OSBPL10: variants seen among roughly 807,000 people sequenced by gnomAD.
OSBPL10 encodes oxysterol binding protein like 10, also known as oxysterol-binding protein-related protein 10.
In OSBPL10, 49 loss-of-function variants were observed where a neutral mutation model predicts 81.7. That is an observed-to-expected ratio of 0.60 (90% CI 0.48 to 0.76). OSBPL10 has a LOEUF of 0.76. OSBPL10 is among the 30% of genes least tolerant of loss of function. The pLI is 0.00. For missense variants in OSBPL10, 923 were observed against 987.8 expected (o/e 0.93, Z 0.88); for synonymous variants, 419 against 383.6 (o/e 1.09, Z -1.08).
chr3:31,879,559 A>G (rs1212606035), intron 2 of OSBPL10, 96 bp downstream of exon 2: 1 of 1,316,722 alleles, frequency 7.6e-7, no homozygotes, highest in East Asian at 2.4e-5. Context: ...GCAAACTGTC[A>G]AAGGCAATTT....
intron 4 of OSBPL10, chr3:31,794,893 CA>C (rs1699145980): frequency 2.7e-6 from 1 of 375,454 alleles, no homozygotes; most frequent in Non-Finnish European, 5.3e-6. Context: ...CCAGAAGCAG[CA>C]CATTGGAGAG....
intron 1 of OSBPL10, among the ~76,000 whole-genome samples, chr3:31,916,448 G>T (rs1696759980): frequency 6.6e-6 from 1 of 152,142 alleles, no homozygotes; most frequent in Non-Finnish European, 1.5e-5. Flanking sequence ...GTAACAACAG[G>T]TTGGTTATAA....
chr3:31,710,613 C>T (rs1696223365), intron 6 of OSBPL10: 1 of 152,200 alleles, frequency 6.6e-6, no homozygotes, highest in South Asian at 2.1e-4. Context: ...GTGAACTAAG[C>T]AAGACAAACA....
At chr3:31,830,313 T>A in intron 3 of OSBPL10, 82 bp from the exon 4 acceptor site, 1 of 1,355,386 alleles carries the variant, frequency 7.4e-7, no homozygotes, top group Non-Finnish European at 1.0e-6. Flanking sequence ...ATTTTGGACC[T>A]CTTCATCTTT....
intron 4 of OSBPL10, among the ~76,000 whole-genome samples, chr3:31,779,877 G>T (rs1343441631): frequency 6.6e-6 from 1 of 151,998 alleles, no homozygotes; most frequent in East Asian, 1.9e-4. Context: ...GAATAAAATT[G>T]GAAATTAATT....
chr3:31,806,719 T>C (rs1294622137), intron 4 of OSBPL10, among the ~76,000 whole-genome samples: 2 of 151,018 alleles, frequency 1.3e-5, no homozygotes, highest in Non-Finnish European at 2.9e-5. Context: ...CAGGGGGTGC[T>C]GCTTTACAAA....
At chr3:32,013,093 C>G (rs2125540558) in intron 2 of OSBPL10, among the ~76,000 whole-genome samples, 1 of 152,294 alleles carries the variant, frequency 6.6e-6, no homozygotes, top group South Asian at 2.1e-4. Flanking sequence ...ACCAAGCGGA[C>G]CTAATAGACA....
intron 4 of OSBPL10, among the ~76,000 whole-genome samples, chr3:31,792,770 T>TGTGC (rs1553626269): frequency 2.2e-5 from 3 of 138,630 alleles, no homozygotes; most frequent in South Asian, 2.2e-4. Flanking sequence ...TGTGTGTGTG[T>TGTGC]GTGTGTAAAA....
intron 7 of OSBPL10, among the ~76,000 whole-genome samples, chr3:31,687,782 G>A (rs1382345268): frequency 6.6e-6 from 1 of 152,124 alleles, no homozygotes; most frequent in Non-Finnish European, 1.5e-5. Context: ...GGATTAAGAA[G>A]AGGGGGAAGA....
Position 31,664,149 on chromosome 3 carries a change from T to G in OSBPL10, c.2180A>C (p.Lys727Thr). ...GCGCTTCCGTTCCTCCACCCGTTGC[T>G]TCTCCTCCAGGTGCCGCTTCTGCTC... ...ATEQKRHLEEKQRVEERKREN... is the reference protein window; with the variant it reads ...ATEQKRHLEETQRVEERKREN... The change falls in exon 11 of 12, where the codon AAG becomes ACG. Residue 727 changes from lysine (K) to threonine (T), a missense_variant. Lys to Thr is a moderately conservative substitution (Grantham distance 78, BLOSUM62 -1). This residue lies in a region of OSBPL10 where 387 missense variants were observed against 436.3 expected (regional missense o/e 0.89). Transcript: ENST00000396556. 1.2e-6 allele frequency: 2 copies of G among 1,613,894 alleles called. No individual in the cohort carries two copies. Among genetic ancestry groups the G allele is most frequent in the Non-Finnish European group, 1.7e-6 (2 of 1,180,004 alleles).
chr3:31,767,633 T>C (rs1303976085), intron 4 of OSBPL10, among the ~76,000 whole-genome samples: 1 of 152,152 alleles, frequency 6.6e-6, no homozygotes, highest in African/African-American at 2.4e-5. Context: ...TTCTCTTCTG[T>C]AAGGCCTTGA....
chr3:31,915,050 T>C (rs1696712291), intron 1 of OSBPL10, among the ~76,000 whole-genome samples: 2 of 152,194 alleles, frequency 1.3e-5, no homozygotes, highest in Admixed American at 1.3e-4. Context: ...GAGCTCACTG[T>C]AACCTTGAAC....
At chr3:31,735,785 G>A (rs928592118) in intron 5 of OSBPL10, among the ~76,000 whole-genome samples, 3 of 151,982 alleles carry the variant, frequency 2.0e-5, no homozygotes, top group African/African-American at 7.3e-5. Flanking sequence ...GCACCCCAAA[G>A]GCACTCTCTG....
intron 1 of OSBPL10, among the ~76,000 whole-genome samples, chr3:31,965,435 T>TATATATTATATAATAGATAATATAA (rs1559534737): frequency 1.2e-5 from 1 of 84,448 alleles, no homozygotes; most frequent in African/African-American, 6.2e-5. Context: ...AGATAATATA[T>TATATATTATATAATAGATAATATAA]AATATATATT....
chr3:31,777,625 T>C (rs796722911), intron 4 of OSBPL10, among the ~76,000 whole-genome samples: 6 of 152,276 alleles, frequency 3.9e-5, no homozygotes, highest in African/African-American at 9.6e-5. Context: ...AATTCACAGA[T>C]CCTTTGAAAA....
chr3:31,842,396 G>A (rs146973295), intron 3 of OSBPL10, among the ~76,000 whole-genome samples: 168 of 152,294 alleles, frequency 1.1e-3, no homozygotes, highest in African/African-American at 3.9e-3. Context: ...GAGCTTCTGG[G>A]CTTATTACAG....
intron 4 of OSBPL10, among the ~76,000 whole-genome samples, chr3:31,761,691 A>G (rs1046592880): frequency 6.6e-6 from 1 of 150,982 alleles, no homozygotes; most frequent in African/African-American, 2.4e-5. Context: ...GTGGCACACA[A>G]TTGACACCAG....
At position 32,066,005 on chromosome 3, in the gene OSBPL10, A is replaced by G. The variant is rs201109711; in HGVS notation, n.185+11391T>C. ...AAAGAAAGAAAGAAAGAAAGAAAGAAAGAGAAAGAAAGAAAGAAAGAGAGA... is the reference window on the plus strand; with the variant it reads ...AAAGAAAGAAAGAAAGAAAGAAAGAGAGAGAAAGAAAGAAAGAAAGAGAGA... On this transcript the variant is annotated intron_variant and non_coding_transcript_variant, in intron 1 of 3. Coordinates refer to the OSBPL10 transcript ENST00000479173. Among the ~76,000 whole-genome samples, 76 of 48,614 alleles carry G rather than the reference A, an allele frequency of 1.6e-3. 14 individuals carry two copies. Among genetic ancestry groups the G allele is most frequent in the Middle Eastern group, 0.01 (1 of 100 alleles). The allele number at this position is 48,614 out of a possible 152,430, so 31.9% of individuals were successfully genotyped here. A position where few individuals can be genotyped will look rare whatever the true frequency, so the allele number is the denominator to read the frequency against.
intron 4 of OSBPL10, among the ~76,000 whole-genome samples, chr3:31,827,671 T>C (rs1700134347): frequency 6.6e-6 from 1 of 152,078 alleles, no homozygotes; most frequent in Non-Finnish European, 1.5e-5. Context: ...TTGCTCTGTA[T>C]AGATTTTTAC....
Sources: allele counts gnomAD v4.1 joint callset (sites outside exome capture counted in the v4.1 genomes callset), GRCh38; gene constraint gnomAD v4.1.1; regional missense constraint gnomAD v4.1.1; transcripts MANE v1.5; gene names NCBI Gene and HGNC (gene_info 2026-07-23, HGNC 2026-07-21).